Variants in GRM4 observed in about 807,000 individuals in gnomAD.
GRM4 encodes the protein metabotropic glutamate receptor 4.
A neutral mutation model predicts 81.7 loss-of-function variants in GRM4; 28 were observed. That is an observed-to-expected ratio of 0.34 (90% CI 0.25 to 0.47). GRM4 has a LOEUF of 0.47. GRM4 is among the 20% of genes least tolerant of loss of function. The probability of loss-of-function intolerance (pLI) is 1.00; values close to 1 mark genes in which losing one functional copy is unlikely to be tolerated. For missense variants in GRM4, 948 were observed against 1,290.0 expected (o/e 0.73, Z 4.06); for synonymous variants, 488 against 528.8 (o/e 0.92, Z 1.06).
In GRM4 at chr6:34,085,954, A is replaced by G. The variant is rs1767863397; in HGVS notation, c.736+5929T>C. On this transcript the variant is annotated intron_variant, in intron 3 of 10. Transcript: ENST00000538487. ...GGAGAAGCTTTCCCACAGGAGGACC[A>G]GCCCGTGCAAAGGCCCTGAGGCGAG... 2.6e-5 allele frequency among the ~76,000 whole-genome samples: 4 copies of G among 152,186 alleles called. No homozygotes were observed. The South Asian group carries it at 8.3e-4, about 32-fold the overall frequency.
In GRM4 at chr6:34,140,060, GA is replaced by G. The variant is rs753876569; in HGVS notation, c.-364+5939del. Among the ~76,000 whole-genome samples, 13 of 152,056 alleles carry G rather than the reference GA, an allele frequency of 8.5e-5. 1 individual carries two copies. The South Asian group carries it at 1.7e-3, about 19-fold the overall frequency. On this transcript the variant is annotated intron_variant, in intron 1 of 10. Coordinates refer to ENST00000538487, the MANE Select transcript of GRM4 (RefSeq NM_000841.4). ...GGGACTTCAGGGGATCAGGCGATAT[GA>G]AAAAAAATAAGGCAGATAAGGGGAC...
At position 34,044,383 on chromosome 6, in the gene GRM4, T is replaced by C. The variant is rs371862479; in HGVS notation, c.1169-3635A>G. ...ACACAGACACACACATACACACACA[T>C]AGACATACATACATACACATATATA... On this transcript the variant is annotated intron_variant, in intron 6 of 10. Transcript: ENST00000538487. Among the ~76,000 whole-genome samples, 144 of 117,360 alleles carry C rather than the reference T, an allele frequency of 1.2e-3. 1 individual carries two copies. The highest frequency in any genetic ancestry group is 5.7e-3 in the East Asian group (21 of 3,656). 77.0% of individuals were successfully genotyped at this position (117,360 alleles called of 152,430 possible). A position where few individuals can be genotyped will look rare whatever the true frequency, so the allele number is the denominator to read the frequency against.
chr6:34,116,680 A>T (rs1769609897), intron 2 of GRM4, among the ~76,000 whole-genome samples: 1 of 152,188 alleles, frequency 6.6e-6, no homozygotes, highest in Non-Finnish European at 1.5e-5. Context: ...ATGAGAAACG[A>T]GCGTTTACAT....
chr6:34,109,586 C>G (rs1433195694), intron 2 of GRM4, among the ~76,000 whole-genome samples: 1 of 152,210 alleles, frequency 6.6e-6, no homozygotes, highest in Non-Finnish European at 1.5e-5. Flanking sequence ...TCCACAATGC[C>G]TGCTGCCCAG....
chr6:34,119,817 G>A (rs1769733999), intron 2 of GRM4, among the ~76,000 whole-genome samples: 1 of 152,218 alleles, frequency 6.6e-6, no homozygotes, highest in Non-Finnish European at 1.5e-5. Flanking sequence ...GACCCAGCAG[G>A]TGCTGCAGCT....
intron 2 of GRM4, among the ~76,000 whole-genome samples, chr6:34,109,878 G>C (rs1769293186): frequency 6.6e-6 from 1 of 152,098 alleles, no homozygotes; most frequent in Admixed American, 6.5e-5. Flanking sequence ...GACTCTGACT[G>C]TGCCCTCAGC....
At chr6:34,087,707 C>T (rs113598375) in intron 3 of GRM4, among the ~76,000 whole-genome samples, 1 of 145,934 alleles carries the variant, frequency 6.9e-6, no homozygotes, top group African/African-American at 2.5e-5. Context: ...CAACCCCCCC[C>T]CCACACACAC....
intron 2 of GRM4, among the ~76,000 whole-genome samples, chr6:34,128,598 G>A (rs746988585): frequency 1.4e-4 from 21 of 152,018 alleles, no homozygotes; most frequent in Middle Eastern, 6.8e-3. Flanking sequence ...GGCTGGTCTC[G>A]AACTCCTGAC....
intron 5 of GRM4, among the ~76,000 whole-genome samples, chr6:34,057,657 C>T (rs552206768): frequency 3.4e-4 from 52 of 152,342 alleles, no homozygotes; most frequent in African/African-American, 6.0e-4. Context: ...GGGGCAAAAT[C>T]GCCCCCAGAT....
chr6:34,140,313 G>A (rs1350367650), intron 1 of GRM4, among the ~76,000 whole-genome samples: 3 of 136,408 alleles, frequency 2.2e-5, no homozygotes, highest in Admixed American at 1.6e-4. Context: ...TGACCAGGGG[G>A]CAGTGGGGAG....
Position 34,064,198 on chromosome 6 carries a change from G to A in GRM4, c.737-2170C>T, listed in dbSNP as rs1766331787. ...ACTGCAAGAGATTCAGACCAGAAGG[G>A]AGTGCGGGGGGCGGGGGTGTGCAGA... On this transcript the variant is annotated intron_variant, in intron 3 of 10. Transcript: ENST00000538487. The surrounding 1 kb of genome is among the most constrained non-coding windows in gnomAD (Gnocchi z 4.4). Among the ~76,000 whole-genome samples, 1 of 152,244 alleles carries A rather than the reference G, an allele frequency of 6.6e-6. No individual in the cohort carries two copies. The highest frequency in any genetic ancestry group is 2.4e-5 in the African/African-American group (1 of 41,552).
chr6:34,066,082 G>A (rs1465849004), intron 3 of GRM4, among the ~76,000 whole-genome samples: 1 of 152,096 alleles, frequency 6.6e-6, no homozygotes, highest in Non-Finnish European at 1.5e-5. Context: ...CTACAAGACA[G>A]CTGGACACCT....
intron 6 of GRM4, among the ~76,000 whole-genome samples, chr6:34,049,918 G>C (rs907167526): frequency 5.3e-5 from 8 of 152,146 alleles, no homozygotes; most frequent in African/African-American, 1.9e-4. Context: ...TCCCAGAGAG[G>C]AGTGAGCAGT....
At chr6:34,138,638 G>A (rs541430907) in intron 1 of GRM4, among the ~76,000 whole-genome samples, 3 of 152,280 alleles carry the variant, frequency 2.0e-5, no homozygotes, top group South Asian at 4.1e-4. Flanking sequence ...GACAGGAATC[G>A]GGTTGTCAGA....
At position 34,078,827 on chromosome 6, in the gene GRM4, T is replaced by C. The variant is rs1449426247; in HGVS notation, c.736+13056A>G. 1.3e-5 allele frequency among the ~76,000 whole-genome samples: 2 copies of C among 152,116 alleles called. No individual in the cohort carries two copies. The highest frequency in any genetic ancestry group is 4.8e-5 in the African/African-American group (2 of 41,416). The stretch of plus-strand genomic sequence containing the variant: ...AGTCGTTAGCTTTCCTTCTGGCTCA[T>C]TAAAAAGCAGAATTTGCATAGAATA... On this transcript the variant is annotated intron_variant, in intron 3 of 10. Coordinates refer to ENST00000538487, the MANE Select transcript of GRM4 (RefSeq NM_000841.4). The surrounding 1 kb of genome is among the most constrained non-coding windows in gnomAD (Gnocchi z 4.8).
intron 1 of GRM4, among the ~76,000 whole-genome samples, chr6:34,151,719 C>G (rs1771050855): frequency 6.9e-6 from 1 of 144,878 alleles, no homozygotes; most frequent in Admixed American, 6.8e-5. Context: ...CCACCCCCAC[C>G]CCACCCATCT....
chr6:34,075,961 C>T (rs897474073), intron 3 of GRM4, among the ~76,000 whole-genome samples: 18 of 152,334 alleles, frequency 1.2e-4, no homozygotes, highest in Non-Finnish European at 2.2e-4. Context: ...TGGGAGCCAG[C>T]GCTGGGCTAG....
At chr6:34,127,286 G>C (rs1386754460) in intron 2 of GRM4, among the ~76,000 whole-genome samples, 1 of 152,218 alleles carries the variant, frequency 6.6e-6, no homozygotes, top group African/African-American at 2.4e-5. Context: ...TAAGCTCAAG[G>C]CTGAATGAGA....
intron 2 of GRM4, among the ~76,000 whole-genome samples, chr6:34,113,991 G>T (rs1769487882): frequency 6.6e-6 from 1 of 152,036 alleles, no homozygotes; most frequent in Admixed American, 6.5e-5. Context: ...CAGGGTCTTT[G>T]CACTGGCTGT....
Sources: gnomAD v4.1 joint callset for allele counts (sites outside exome capture counted in the v4.1 genomes callset) on GRCh38, gnomAD v4.1.1 for gene constraint, Gnocchi (gnomAD v3.1) non-coding constraint, MANE v1.5 for transcripts, NCBI Gene and HGNC (gene_info 2026-07-23, HGNC 2026-07-21) for gene names.